The following NUP205 variants were observed in gnomAD, a reference collection of about 807,000 sequenced individuals.
NUP205 encodes nucleoporin 205.
A neutral mutation model predicts 253.8 loss-of-function variants in NUP205; 76 were observed. The observed-to-expected ratio is 0.30, with a 90% CI of 0.25 to 0.36. NUP205 has a LOEUF of 0.36. NUP205 is among the 10% of genes least tolerant of loss of function. NUP205 has a pLI of 1.00. For synonymous variants in NUP205, 832 were observed against 850.1 expected (o/e 0.98, Z 0.37); for missense variants, 2,162 against 2,425.5 (o/e 0.89, Z 2.28).
chr7:135,635,564 C>A lies in NUP205; in HGVS notation c.5060-17C>A. 1 of 1,368,682 alleles carries A rather than the reference C, an allele frequency of 7.3e-7. No homozygotes were observed. The highest frequency in any genetic ancestry group is 1.0e-6 in the Non-Finnish European group (1 of 969,704). The allele number at this position is 1,368,682 out of a possible 1,614,324, so 84.8% of individuals were successfully genotyped here. A position where few individuals can be genotyped will look rare whatever the true frequency, so the allele number is the denominator to read the frequency against. On this transcript the variant is annotated splice_polypyrimidine_tract_variant and intron_variant, in intron 35 of 42. Coordinates refer to ENST00000285968, the MANE Select transcript of NUP205 (RefSeq NM_015135.3). ...TTTATTATAATAATATGTTTTAAAG[C>A]ATTCTACATTTTATAGGAATATTAA...
chr7:135,620,818 A>G (rs1794458163), intron 30 of NUP205, among the ~76,000 whole-genome samples: 1 of 152,232 alleles, frequency 6.6e-6, no homozygotes, highest in South Asian at 2.1e-4. Flanking sequence ...TTGTTTGGAT[A>G]AATTCCAAGA....
intron 35 of NUP205, among the ~76,000 whole-genome samples, chr7:135,632,746 G>C (rs1794738368): frequency 6.6e-6 from 1 of 151,854 alleles, no homozygotes; most frequent in Non-Finnish European, 1.5e-5. Context: ...TCTCTACTAA[G>C]GTCCTGTAGT....
At chr7:135,643,425 G>T in intron 39 of NUP205, 67 bp downstream of exon 39, 1 of 1,039,888 alleles carries the variant, frequency 9.6e-7, no homozygotes. Flanking sequence ...AGGGTACTCA[G>T]ACTGAGTAAA....
rs922398012 is a variant in NUP205 at position 135,601,514 on chromosome 7, G to T, written c.2512+7G>T. The T allele has an allele frequency of 1.4e-5, 23 of 1,605,886 alleles. No individual in the cohort carries two copies. The highest frequency in any genetic ancestry group is 1.2e-4 in the African/African-American group (9 of 74,444). On this transcript the variant is annotated splice_region_variant and intron_variant, in intron 17 of 42. Transcript: ENST00000285968. ...ACCTATGCCCCCTTTCCTGGTATATGCTTAAAAGCCTTCATGTCTTGCAAA... is the reference window on the plus strand; with the variant it reads ...ACCTATGCCCCCTTTCCTGGTATATTCTTAAAAGCCTTCATGTCTTGCAAA...
chr7:135,594,770 G>A lies in NUP205; in HGVS notation c.2013+41G>A, dbSNP rs757142536. On this transcript the variant is annotated intron_variant, in intron 13 of 42. Transcript: ENST00000285968. ...CCCTTATTTATATTATCCCAATGTGGAAAGTTGGGCTTGATAATACCATAG... is the reference window on the plus strand; with the variant it reads ...CCCTTATTTATATTATCCCAATGTGAAAAGTTGGGCTTGATAATACCATAG... 2.7e-6 allele frequency: 4 copies of A among 1,484,518 alleles called. No homozygotes were observed. The African/African-American group carries it at 5.6e-5, about 21-fold the overall frequency. The allele number at this position is 1,484,518 out of a possible 1,614,324, so 92.0% of individuals were successfully genotyped here. A position where few individuals can be genotyped will look rare whatever the true frequency, so the allele number is the denominator to read the frequency against.
Position 135,600,958 on chromosome 7 carries a change from T to C in NUP205, c.2363T>C (p.Val788Ala). 6.3e-7 allele frequency: 1 copy of C among 1,591,618 alleles called. No homozygotes were observed. The highest frequency in any genetic ancestry group is 1.1e-5 in the South Asian group (1 of 90,134). Residue 788 changes from valine (V) to alanine (A), a missense_variant, in exon 16 of 43, where the codon GTG becomes GCG. Val to Ala is a moderately conservative substitution (Grantham distance 64). Coordinates refer to ENST00000285968, the MANE Select transcript of NUP205 (RefSeq NM_015135.3). Reference protein sequence around the residue: ...PQLEDFVDQFVELQGEEIIAY... With the variant: ...PQLEDFVDQFAELQGEEIIAY... Reference sequence around the variant, plus strand: ...CTTGAAGATTTTGTAGACCAGTTTGTGGAACTACAAGGTAATTTAATTCTG... The same window carrying C: ...CTTGAAGATTTTGTAGACCAGTTTGCGGAACTACAAGGTAATTTAATTCTG...
chr7:135,581,896 T>G (rs1315396752), intron 7 of NUP205, among the ~76,000 whole-genome samples: 1 of 152,078 alleles, frequency 6.6e-6, no homozygotes, highest in African/African-American at 2.4e-5. Context: ...TTTTGTAATT[T>G]CACTAAGCTT....
chr7:135,569,719 C>T (rs1252831164), intron 1 of NUP205, among the ~76,000 whole-genome samples: 1 of 152,004 alleles, frequency 6.6e-6, no homozygotes, highest in Non-Finnish European at 1.5e-5. Context: ...GTCATTATTA[C>T]TTACTGTTAT....
Position 135,616,116 on chromosome 7 carries a change from C to A in NUP205, c.3460+51C>A, listed in dbSNP as rs549476512. On this transcript the variant is annotated intron_variant, in intron 24 of 42. Coordinates refer to ENST00000285968, the MANE Select transcript of NUP205 (RefSeq NM_015135.3). ...TGCTGGTGACTAGTTGTCGTGAAGACAAGCACAAATCTGAAGCTTGTGCTT... is the reference window on the plus strand; with the variant it reads ...TGCTGGTGACTAGTTGTCGTGAAGAAAAGCACAAATCTGAAGCTTGTGCTT... 14 of 1,527,082 alleles carry A rather than the reference C, an allele frequency of 9.2e-6. No homozygotes were observed. The African/African-American group carries it at 1.8e-4, about 20-fold the overall frequency. The allele number at this position is 1,527,082 out of a possible 1,614,324, so 94.6% of individuals were successfully genotyped here. A position where few individuals can be genotyped will look rare whatever the true frequency, so the allele number is the denominator to read the frequency against.
At chr7:135,608,673 A>G (rs1193610027) in intron 22 of NUP205, among the ~76,000 whole-genome samples, 1 of 152,152 alleles carries the variant, frequency 6.6e-6, no homozygotes, top group Non-Finnish European at 1.5e-5. Context: ...ATGCCACTGC[A>G]CTCCAGCTGG....
intron 33 of NUP205, 98 bp downstream of exon 33, chr7:135,626,459 T>C: frequency 1.5e-6 from 2 of 1,347,014 alleles, no homozygotes; most frequent in Non-Finnish European, 2.0e-6. Context: ...AGCAATTCTC[T>C]TTCATCTTGG....
chr7:135,569,677 G>T (rs1584637114), intron 1 of NUP205, among the ~76,000 whole-genome samples: 2 of 151,662 alleles, frequency 1.3e-5, no homozygotes, highest in African/African-American at 4.8e-5. Context: ...AAGAGCTTAG[G>T]GCCATGCTTA....
chr7:135,597,954 C>G lies in NUP205; in HGVS notation c.2065-44C>G, dbSNP rs768374478. ...CTGCATAATACTCTTCACTTCATAG[C>G]TAATAGTTTTTATTACCAAGTTTTC... On this transcript the variant is annotated intron_variant, in intron 14 of 42. Coordinates refer to ENST00000285968, the MANE Select transcript of NUP205 (RefSeq NM_015135.3). 2.1e-6 allele frequency: 3 copies of G among 1,461,098 alleles called. No homozygotes were observed. The African/African-American group carries it at 4.2e-5, about 20-fold the overall frequency. 90.5% of individuals were successfully genotyped at this position (1,461,098 alleles called of 1,614,324 possible). A position where few individuals can be genotyped will look rare whatever the true frequency, so the allele number is the denominator to read the frequency against.
At chr7:135,589,430 A>G (rs1444364904) in intron 10 of NUP205, among the ~76,000 whole-genome samples, 1 of 150,898 alleles carries the variant, frequency 6.6e-6, no homozygotes, top group Non-Finnish European at 1.5e-5. Flanking sequence ...CTGGGGTTAT[A>G]GACATGCGCC....
intron 5 of NUP205, among the ~76,000 whole-genome samples, chr7:135,577,543 A>G (rs773320867): frequency 4.6e-5 from 7 of 152,200 alleles, no homozygotes; most frequent in Non-Finnish European, 1.0e-4. Context: ...CAGCTTCGGT[A>G]TAGTCATTTA....
At chr7:135,558,635 GCCGTACCGC>G (rs1189027443) in intron 1 of NUP205, among the ~76,000 whole-genome samples, 8 of 152,174 alleles carry the variant, frequency 5.3e-5, no homozygotes, top group Admixed American at 3.9e-4. Context: ...CTCAATTCGG[GCCGTACCGC>G]CCTCCAGTGG....
chr7:135,635,496 T>G (rs1179378962), intron 35 of NUP205, 85 bp from the exon 36 acceptor site: 3 of 777,310 alleles, frequency 3.9e-6, no homozygotes, highest in Non-Finnish European at 4.2e-6. Flanking sequence ...ACATAAACAA[T>G]ATAAAATATT....
intron 1 of NUP205, among the ~76,000 whole-genome samples, chr7:135,560,197 T>G (rs1428355191): frequency 6.6e-6 from 1 of 151,878 alleles, no homozygotes; most frequent in Non-Finnish European, 1.5e-5. Context: ...GGTTTCACCA[T>G]GTTGGCCAGA....
At chr7:135,587,538 A>C in intron 8 of NUP205, 37 bp from the exon 9 acceptor site, 1 of 1,237,388 alleles carries the variant, frequency 8.1e-7, no homozygotes, top group South Asian at 1.4e-5. Context: ...TGTACAATAC[A>C]TTTACATATT....
Sources: allele counts gnomAD v4.1 joint callset (sites outside exome capture counted in the v4.1 genomes callset), GRCh38; gene constraint gnomAD v4.1.1; transcripts MANE v1.5; gene names NCBI Gene and HGNC (gene_info 2026-07-23, HGNC 2026-07-21).